Variants in CDH12 observed in about 807,000 individuals in gnomAD.
CDH12 encodes the protein cadherin 12, also known as cadherin-12.
In CDH12, 41 loss-of-function variants were observed where a neutral mutation model predicts 74.1. The observed-to-expected ratio is 0.55, with a 90% CI of 0.43 to 0.72. CDH12 has a LOEUF of 0.72. Among genes scored for constraint, CDH12 ranks in the 30% least tolerant of loss-of-function variants. The pLI is 0.00. For synonymous variants in CDH12, 399 were observed against 355.0 expected (o/e 1.12, Z -1.39); for missense variants, 945 against 977.2 (o/e 0.97, Z 0.44).
At chr5:22,304,414 T>A (rs1340029142) in intron 3 of CDH12, among the ~76,000 whole-genome samples, 1 of 152,198 alleles carries the variant, frequency 6.6e-6, no homozygotes, top group African/African-American at 2.4e-5. Context: ...TTTCTTGCTA[T>A]GCACTCTCAA....
rs1749912308 is a variant in CDH12, at chr5:22,185,885, T to C, written c.-187+26613A>G. ...GGCGTATGAAAGGAAGAAAATCCTCTGTGATTTGCATTAAGAACAGTAAAA... is the reference window on the plus strand; with the variant it reads ...GGCGTATGAAAGGAAGAAAATCCTCCGTGATTTGCATTAAGAACAGTAAAA... On this transcript the variant is annotated intron_variant, in intron 4 of 14. Coordinates refer to ENST00000382254, the MANE Select transcript of CDH12 (RefSeq NM_004061.5). 2.0e-5 allele frequency among the ~76,000 whole-genome samples: 3 copies of C among 152,222 alleles called. No individual in the cohort carries two copies. The South Asian group carries it at 6.2e-4, about 31-fold the overall frequency.
chr5:22,158,258 T>C (rs903647078), intron 4 of CDH12, among the ~76,000 whole-genome samples: 3 of 152,066 alleles, frequency 2.0e-5, no homozygotes, highest in Non-Finnish European at 4.4e-5. Flanking sequence ...TCTTGCAAAG[T>C]ATTCTGAAAT....
intron 1 of CDH12, among the ~76,000 whole-genome samples, chr5:22,694,724 C>A (rs1482465717): frequency 4.0e-5 from 1 of 24,850 alleles, no homozygotes; most frequent in African/African-American, 9.4e-5. Flanking sequence ...ACCCCTTGTA[C>A]ACGTCTTTCA....
rs1032619837 is a variant in CDH12, at chr5:22,232,016, G to GT, written c.-332-19374dup. On this transcript the variant is annotated intron_variant, in intron 3 of 14. Coordinates refer to ENST00000382254, the MANE Select transcript of CDH12 (RefSeq NM_004061.5). ...TACATTGCCTAAAATATTAATGAAGGTTTTTTTATAGTAGCCACTTAAATA... is the reference window on the plus strand; with the variant it reads ...TACATTGCCTAAAATATTAATGAAGGTTTTTTTTATAGTAGCCACTTAAATA... Among the ~76,000 whole-genome samples, 9 of 151,614 alleles carry GT rather than the reference G, an allele frequency of 5.9e-5. No homozygotes were observed. The East Asian group carries it at 7.7e-4, about 13-fold the overall frequency.
rs377016972 is a variant in CDH12 at position 22,343,323 on chromosome 5, CAGAGAGAGAG to C, written c.-333+61924_-333+61933del. On this transcript the variant is annotated intron_variant, in intron 3 of 14. Coordinates refer to ENST00000382254, the MANE Select transcript of CDH12 (RefSeq NM_004061.5). ...ACACACACACACACAGACACACACA[CAGAGAGAGAG>C]AGAGAGAGAGAGAGAGAGAGAGAGA... 8.7e-3 allele frequency among the ~76,000 whole-genome samples: 1,183 copies of C among 136,292 alleles called. 24 individuals carry two copies. Among genetic ancestry groups the C allele is most frequent in the African/African-American group, 0.032 (1,108 of 34,442 alleles). The allele number at this position is 136,292 out of a possible 152,430, so 89.4% of individuals were successfully genotyped here. A position where few individuals can be genotyped will look rare whatever the true frequency, so the allele number is the denominator to read the frequency against.
chr5:22,847,333 G>T (rs1737353629), intron 1 of CDH12, among the ~76,000 whole-genome samples: 1 of 152,100 alleles, frequency 6.6e-6, no homozygotes, highest in Non-Finnish European at 1.5e-5. Flanking sequence ...TTTAAAACCT[G>T]CCTGCAATCA....
At chr5:22,213,803 CAGAG>C (rs1751684037) in intron 3 of CDH12, 1 of 151,996 alleles carries the variant, frequency 6.6e-6, no homozygotes, top group Admixed American at 6.6e-5. Flanking sequence ...TTCTCATTGC[CAGAG>C]AGAAAGCTGA....
intron 2 of CDH12, among the ~76,000 whole-genome samples, chr5:22,443,931 TA>T (rs1227864844): frequency 1.3e-5 from 2 of 152,096 alleles, no homozygotes; most frequent in African/African-American, 4.8e-5. Context: ...TGCATAATTT[TA>T]AAATGCAAAT....
chr5:22,117,489 T>TAATATATATATTATATATATTATA (rs1491147762), intron 4 of CDH12, among the ~76,000 whole-genome samples: 5 of 48,614 alleles, frequency 1.0e-4, no homozygotes, highest in African/African-American at 3.6e-4. Context: ...TATATATATA[T>TAATATATATATTATATATATTATA]TATATATATA....
At chr5:22,048,133 T>C (rs140454097) in intron 5 of CDH12, among the ~76,000 whole-genome samples, 6 of 152,308 alleles carry the variant, frequency 3.9e-5, no homozygotes, top group Admixed American at 1.3e-4. Context: ...GTACAGGAGT[T>C]AACCTGGATC....
At chr5:22,306,651 T>C (rs1406948262) in intron 3 of CDH12, among the ~76,000 whole-genome samples, 1 of 152,144 alleles carries the variant, frequency 6.6e-6, no homozygotes, top group Admixed American at 6.6e-5. Context: ...ATAAATATGA[T>C]TATTACAGCT....
chr5:21,888,701 T>C (rs1193921386), intron 6 of CDH12, among the ~76,000 whole-genome samples: 4 of 152,130 alleles, frequency 2.6e-5, no homozygotes, highest in Admixed American at 2.0e-4. Context: ...TTGTTATTCC[T>C]ACATAGATAT....
chr5:22,351,987 C>G, intron 3 of CDH12, among the ~76,000 whole-genome samples: 1 of 152,126 alleles, frequency 6.6e-6, no homozygotes, highest in Non-Finnish European at 1.5e-5. Flanking sequence ...AATTTTATCT[C>G]ACTGTCATAT....
intron 3 of CDH12, among the ~76,000 whole-genome samples, chr5:22,396,433 A>G (rs1159130851): frequency 6.6e-6 from 1 of 152,102 alleles, no homozygotes; most frequent in Non-Finnish European, 1.5e-5. Context: ...CAAGCCAACC[A>G]GTGAGTCCAG....
chr5:22,452,398 G>T (rs2126564781), intron 2 of CDH12, among the ~76,000 whole-genome samples: 1 of 151,942 alleles, frequency 6.6e-6, no homozygotes, highest in Non-Finnish European at 1.5e-5. Flanking sequence ...ACAGAATAAA[G>T]AACTTGGAAA....
At chr5:22,331,133 A>G (rs146260587) in intron 3 of CDH12, among the ~76,000 whole-genome samples, 1 of 152,350 alleles carries the variant, frequency 6.6e-6, no homozygotes, top group East Asian at 1.9e-4. Flanking sequence ...GATTAGCCCC[A>G]GTAAAATAGA....
At chr5:22,718,782 C>A (rs981192915) in intron 1 of CDH12, among the ~76,000 whole-genome samples, 2 of 152,136 alleles carry the variant, frequency 1.3e-5, no homozygotes, top group South Asian at 4.2e-4. Context: ...ACACTAAAAC[C>A]TCCAGTGAGC....
chr5:21,816,624 CAAAAAAA>C (rs542222336), intron 9 of CDH12, among the ~76,000 whole-genome samples: 56 of 17,952 alleles, frequency 3.1e-3, no homozygotes, highest in East Asian at 6.9e-3. Context: ...AACTCCATCT[CAAAAAAA>C]AAAAAAAAAA....
intron 1 of CDH12, among the ~76,000 whole-genome samples, chr5:22,629,169 A>G (rs1738451475): frequency 6.6e-6 from 1 of 152,064 alleles, no homozygotes; most frequent in South Asian, 2.1e-4. Context: ...TATTCCAGAC[A>G]TATAAAAAGA....
Sources: gnomAD v4.1 joint callset for allele counts (sites outside exome capture counted in the v4.1 genomes callset) on GRCh38, gnomAD v4.1.1 for gene constraint, MANE v1.5 for transcripts, NCBI Gene and HGNC (gene_info 2026-07-23, HGNC 2026-07-21) for gene names.